Variants in OSBPL10 observed in about 807,000 individuals in gnomAD.
The protein encoded by OSBPL10 is oxysterol-binding protein-related protein 10.
OSBPL10 carries 49 observed loss-of-function variants against 81.7 expected under a neutral mutation model. The ratio of observed to expected loss-of-function variants is 0.60; its 90% CI spans 0.48 to 0.76. The LOEUF is 0.76. OSBPL10 is among the 30% of genes least tolerant of loss of function. OSBPL10 has a pLI of 0.00. For synonymous variants in OSBPL10, 419 were observed against 383.6 expected (o/e 1.09, Z -1.08); for missense variants, 923 against 987.8 (o/e 0.93, Z 0.88).
intron 1 of OSBPL10, among the ~76,000 whole-genome samples, chr3:31,900,692 A>AT (rs1696211426): frequency 2.0e-5 from 3 of 152,214 alleles, no homozygotes; most frequent in South Asian, 4.1e-4. Context: ...TCAATGTTAG[A>AT]TTTTCAATTC....
chr3:32,051,884 AAAAT>A (rs1699672409), intron 1 of OSBPL10, among the ~76,000 whole-genome samples: 1 of 152,222 alleles, frequency 6.6e-6, no homozygotes, highest in Non-Finnish European at 1.5e-5. Context: ...TTTTGTCAGA[AAAAT>A]AAAAACTGTA....
chr3:32,065,944 GAAGAAAGAAAGA>G (rs774799990), intron 1 of OSBPL10, among the ~76,000 whole-genome samples: 2,019 of 35,910 alleles, frequency 0.056, 326 homozygotes, highest in African/African-American at 0.08. Flanking sequence ...AAAGAAGAAA[GAAGAAAGAAAGA>G]AAGAAAGAAA....
chr3:31,931,390 G>C (rs1197341890), intron 1 of OSBPL10, among the ~76,000 whole-genome samples: 2 of 151,920 alleles, frequency 1.3e-5, no homozygotes, highest in Non-Finnish European at 1.5e-5. Flanking sequence ...CACACTCCAA[G>C]TCCTTAGACA....
intron 2 of OSBPL10, among the ~76,000 whole-genome samples, chr3:32,025,787 T>G (rs1029894037): frequency 3.3e-5 from 5 of 152,216 alleles, no homozygotes; most frequent in African/African-American, 1.2e-4. Context: ...CAATTCATTT[T>G]ACTTCTATAA....
chr3:31,706,330 G>A (rs550012256), intron 6 of OSBPL10, among the ~76,000 whole-genome samples: 3 of 152,268 alleles, frequency 2.0e-5, no homozygotes, highest in African/African-American at 7.2e-5. Flanking sequence ...TGCAAAAATT[G>A]TAAGTCTGGG....
chr3:31,914,768 A>T (rs1435777824), intron 1 of OSBPL10, among the ~76,000 whole-genome samples: 1 of 152,228 alleles, frequency 6.6e-6, no homozygotes, highest in Non-Finnish European at 1.5e-5. Flanking sequence ...ATTAAATAAA[A>T]TAAAAAATTC....
intron 1 of OSBPL10, among the ~76,000 whole-genome samples, chr3:32,049,262 C>G (rs752317510): frequency 4.6e-5 from 7 of 152,102 alleles, no homozygotes; most frequent in African/African-American, 1.7e-4. Context: ...CTTTCTTGTG[C>G]GAGGTCCAAA....
intron 7 of OSBPL10, among the ~76,000 whole-genome samples, chr3:31,688,266 ATCTCTC>A (rs72309837): frequency 7.6e-6 from 1 of 130,722 alleles, no homozygotes; most frequent in African/African-American, 2.9e-5. Context: ...CCCTGCACAA[ATCTCTC>A]TCTCTCTCTC....
chr3:31,980,148 GC>G (rs1190126379), intron 1 of OSBPL10, among the ~76,000 whole-genome samples: 1 of 151,962 alleles, frequency 6.6e-6, no homozygotes, highest in African/African-American at 2.4e-5. Context: ...GGAATTACAG[GC>G]GCGCCGCCAC....
chr3:31,792,563 A>T (rs1001329356), intron 4 of OSBPL10, among the ~76,000 whole-genome samples: 5 of 152,004 alleles, frequency 3.3e-5, no homozygotes, highest in African/African-American at 9.7e-5. Flanking sequence ...TAAAATTCTC[A>T]GTTATCCAGA....
At chr3:31,913,557 G>C (rs1253762890) in intron 1 of OSBPL10, among the ~76,000 whole-genome samples, 1 of 152,016 alleles carries the variant, frequency 6.6e-6, no homozygotes, top group Non-Finnish European at 1.5e-5. Flanking sequence ...CCAAGTACTA[G>C]TTTTATAAAC....
Position 31,760,021 on chromosome 3 carries a change from C to A in OSBPL10, c.730-11901G>T, listed in dbSNP as rs187005508. Among the ~76,000 whole-genome samples the A allele has an allele frequency of 1.2e-3, 181 of 152,278 alleles. 1 individual carries two copies. Among genetic ancestry groups the A allele is most frequent in the African/African-American group, 4.3e-3 (178 of 41,554 alleles). ...AAGTGCGCTGCCCACCTTGACCTCGCAAAGTGCTGGGATTACAGGCGTGAG... is the reference window on the plus strand; with the variant it reads ...AAGTGCGCTGCCCACCTTGACCTCGAAAAGTGCTGGGATTACAGGCGTGAG... On this transcript the variant is annotated intron_variant, in intron 4 of 11. Coordinates refer to ENST00000396556, the MANE Select transcript of OSBPL10 (RefSeq NM_017784.5).
At chr3:31,822,042 TAAGTA>T (rs1699992912) in intron 4 of OSBPL10, 1 of 152,210 alleles carries the variant, frequency 6.6e-6, no homozygotes, top group African/African-American at 2.4e-5. Flanking sequence ...GTGTGTGTAG[TAAGTA>T]AATATAACAT....
At chr3:31,965,688 TAA>T (rs373057521) in intron 1 of OSBPL10, among the ~76,000 whole-genome samples, 7 of 40,714 alleles carry the variant, frequency 1.7e-4, no homozygotes, top group African/African-American at 1.1e-3. Flanking sequence ...ATATATTATA[TAA>T]AATATATAAT....
intron 1 of OSBPL10, among the ~76,000 whole-genome samples, chr3:31,956,237 T>A (rs1398859399): frequency 6.6e-6 from 1 of 152,140 alleles, no homozygotes; most frequent in Admixed American, 6.5e-5. Context: ...AGAGTAAAAC[T>A]CTTTAGTACA....
chr3:31,962,266 A>C (rs1698190100), intron 1 of OSBPL10, among the ~76,000 whole-genome samples: 1 of 152,154 alleles, frequency 6.6e-6, no homozygotes. Flanking sequence ...CGGCATCACC[A>C]ATTTTGGATT....
rs754570919 is a variant in OSBPL10 at position 31,670,845 on chromosome 3, G to T, written c.1865C>A (p.Ala622Glu). 1 of 1,613,996 alleles carries T rather than the reference G, an allele frequency of 6.2e-7. No individual in the cohort carries two copies. The highest frequency in any genetic ancestry group is 2.2e-5 in the East Asian group (1 of 44,880). Reference sequence around the variant, plus strand: ...AGGCTTCGTGTGGAATATCACTGTCGCTGAGTACCCAGTCTTGGCACAGTT... The same window carrying T: ...AGGCTTCGTGTGGAATATCACTGTCTCTGAGTACCCAGTCTTGGCACAGTT... ...SINCAKTGYS[A>E]TVIFHTKPFY... Residue 622 changes from alanine (A) to glutamate (E), a missense_variant, in exon 9 of 12, where the codon GCG becomes GAG. Physicochemically the swap from Ala to Glu is moderately radical, Grantham distance 107. Transcript: ENST00000396556.
intron 4 of OSBPL10, among the ~76,000 whole-genome samples, chr3:31,791,811 A>T (rs1252069888): frequency 6.6e-6 from 1 of 152,000 alleles, no homozygotes; most frequent in Non-Finnish European, 1.5e-5. Context: ...AGTGCTTAAA[A>T]TGAAAAATTG....
intron 1 of OSBPL10, among the ~76,000 whole-genome samples, chr3:31,978,481 T>C (rs950487257): frequency 2.0e-5 from 3 of 152,218 alleles, no homozygotes; most frequent in African/African-American, 4.8e-5. Context: ...TCCTTTTCAC[T>C]AATCCATCTG....
Sources: gnomAD v4.1 joint callset for allele counts (sites outside exome capture counted in the v4.1 genomes callset) on GRCh38, gnomAD v4.1.1 for gene constraint, MANE v1.5 for transcripts, NCBI Gene and HGNC (gene_info 2026-07-23, HGNC 2026-07-21) for gene names.